NLGN1: variants seen among roughly 807,000 people sequenced by gnomAD.
NLGN1 encodes neuroligin 1, also known as neuroligin-1.
NLGN1 carries 12 observed loss-of-function variants against 65.5 expected under a neutral mutation model. The observed-to-expected ratio is 0.18, with a 90% CI of 0.12 to 0.30. The LOEUF (loss-of-function observed/expected upper bound fraction) is 0.30. NLGN1 is among the 10% of genes least tolerant of loss of function. The probability of loss-of-function intolerance (pLI) is 1.00; values close to 1 mark genes in which losing one functional copy is unlikely to be tolerated. For missense variants in NLGN1, 750 were observed against 1,007.1 expected (o/e 0.74, Z 3.46); for synonymous variants, 350 against 359.5 (o/e 0.97, Z 0.30).
chr3:173,977,682 A>G (rs751305358), intron 4 of NLGN1, among the ~76,000 whole-genome samples: 6 of 151,890 alleles, frequency 4.0e-5, no homozygotes, highest in Non-Finnish European at 8.8e-5. Context: ...ACTCTGGGAG[A>G]GTGAGGGAAG....
intron 2 of NLGN1, among the ~76,000 whole-genome samples, chr3:173,455,543 C>G (rs746798763): frequency 2.6e-5 from 4 of 151,798 alleles, no homozygotes; most frequent in Non-Finnish European, 5.9e-5. Flanking sequence ...TGAGAATTAC[C>G]AAAATATGGC....
At position 174,278,798 on chromosome 3, in the gene NLGN1, G is replaced by A. The variant is rs909574992; in HGVS notation, c.860-63G>A. The A allele has an allele frequency of 3.1e-5, 39 of 1,261,486 alleles. No individual in the cohort carries two copies. The African/African-American group carries it at 5.7e-4, about 19-fold the overall frequency. 78.1% of individuals were successfully genotyped at this position (1,261,486 alleles called of 1,614,324 possible). On this transcript the variant is annotated intron_variant, in intron 5 of 6. Coordinates refer to ENST00000457714, the Ensembl canonical transcript of NLGN1. The stretch of plus-strand genomic sequence containing the variant: ...TATATACATGTCTAAAATATCAGAT[G>A]TTATTGTTTTACCACAACATTACCC...
chr3:174,033,858 A>C (rs1183953918), intron 4 of NLGN1, among the ~76,000 whole-genome samples: 1 of 152,174 alleles, frequency 6.6e-6, no homozygotes, highest in Non-Finnish European at 1.5e-5. Flanking sequence ...TAGAAAGGGA[A>C]GAAAGAGAGA....
intron 3 of NLGN1, among the ~76,000 whole-genome samples, chr3:173,680,920 C>T (rs1763860329): frequency 6.6e-6 from 1 of 152,108 alleles, no homozygotes; most frequent in African/African-American, 2.4e-5. Context: ...ACATGGAAAA[C>T]TGGGTCAGAT....
chr3:173,613,136 G>A (rs1752559747), intron 3 of NLGN1, among the ~76,000 whole-genome samples: 1 of 152,094 alleles, frequency 6.6e-6, no homozygotes, highest in African/African-American at 2.4e-5. Context: ...CACATCTGAA[G>A]GTTCAGCTGG....
At chr3:173,762,678 C>A (rs571940403) in intron 3 of NLGN1, among the ~76,000 whole-genome samples, 1 of 151,908 alleles carries the variant, frequency 6.6e-6, no homozygotes, top group Non-Finnish European at 1.5e-5. Context: ...AGTACCCAAG[C>A]GGCCTGAAAG....
chr3:173,869,265 G>C (rs913446241), intron 4 of NLGN1, among the ~76,000 whole-genome samples: 2 of 152,124 alleles, frequency 1.3e-5, no homozygotes, highest in African/African-American at 4.8e-5. Flanking sequence ...AATTGTTCCT[G>C]TTTGACAAAA....
intron 4 of NLGN1, among the ~76,000 whole-genome samples, chr3:174,093,920 A>T (rs1280516481): frequency 6.6e-6 from 1 of 152,070 alleles, no homozygotes; most frequent in Non-Finnish European, 1.5e-5. Flanking sequence ...ATATAATCTC[A>T]TATATCTCAT....
At chr3:173,780,527 T>C (rs1780970706) in intron 3 of NLGN1, among the ~76,000 whole-genome samples, 1 of 152,356 alleles carries the variant, frequency 6.6e-6, no homozygotes, top group Middle Eastern at 3.4e-3. Context: ...CCACATGTAC[T>C]AGCAACCAAG....
intron 4 of NLGN1, among the ~76,000 whole-genome samples, chr3:174,096,493 A>G (rs899615456): frequency 5.9e-5 from 9 of 152,136 alleles, no homozygotes; most frequent in Admixed American, 5.9e-4. Flanking sequence ...GATATTGTAA[A>G]TATACCTCTA....
chr3:173,697,596 C>T (rs1766416553), intron 3 of NLGN1, among the ~76,000 whole-genome samples: 1 of 152,038 alleles, frequency 6.6e-6, no homozygotes, highest in South Asian at 2.1e-4. Flanking sequence ...GGTGCGATCT[C>T]AGCTCACCGC....
rs540329896 is a variant in NLGN1, at chr3:173,620,390, C to T, written c.493+15299C>T. The stretch of plus-strand genomic sequence containing the variant: ...GATGACTCTAAGATGTCTTACTGTC[C>T]AGTACCTTCCTCCTTGACCTGATGT... On this transcript the variant is annotated intron_variant, in intron 3 of 6. Transcript: ENST00000457714. Among the ~76,000 whole-genome samples, 3 of 152,220 alleles carry T rather than the reference C, an allele frequency of 2.0e-5. No homozygotes were observed. The South Asian group carries it at 6.2e-4, about 32-fold the overall frequency.
rs149500982 is a variant in NLGN1 at position 173,416,006 on chromosome 3, A to C, written c.-390+17519A>C. On this transcript the variant is annotated intron_variant, in intron 1 of 6. Coordinates refer to ENST00000457714, the Ensembl canonical transcript of NLGN1. ...CATAAAATGAATATTAGCTATTACCAGGTGTGATTATTGGTTGACACCACT... is the reference window on the plus strand; with the variant it reads ...CATAAAATGAATATTAGCTATTACCCGGTGTGATTATTGGTTGACACCACT... Among the ~76,000 whole-genome samples the C allele has an allele frequency of 7.8e-3, 1,191 of 152,018 alleles. 19 individuals carry two copies. Among genetic ancestry groups the C allele is most frequent in the African/African-American group, 0.027 (1,120 of 41,404 alleles).
intron 4 of NLGN1, among the ~76,000 whole-genome samples, chr3:173,837,131 A>G (rs2150643090): frequency 6.6e-6 from 1 of 152,294 alleles, no homozygotes; most frequent in South Asian, 2.1e-4. Context: ...TGAAGAAACA[A>G]TTTTCTTCTT....
At position 173,807,670 on chromosome 3, in the gene NLGN1, T is replaced by C; in HGVS notation, c.494-10T>C. 6.2e-7 allele frequency: 1 copy of C among 1,611,116 alleles called. No homozygotes were observed. The highest frequency in any genetic ancestry group is 8.5e-7 in the Non-Finnish European group (1 of 1,177,974). ...AGGATAAGAACGATTGCCAACCATTTGTTTTCCAGATATTCGGGACAGTGG... is the reference window on the plus strand; with the variant it reads ...AGGATAAGAACGATTGCCAACCATTCGTTTTCCAGATATTCGGGACAGTGG... On this transcript the variant is annotated splice_polypyrimidine_tract_variant and intron_variant, in intron 3 of 6. Coordinates refer to ENST00000457714, the Ensembl canonical transcript of NLGN1.
intron 3 of NLGN1, among the ~76,000 whole-genome samples, chr3:173,676,865 T>C (rs2149764580): frequency 6.6e-6 from 1 of 152,256 alleles, no homozygotes; most frequent in South Asian, 2.1e-4. Context: ...CCTTATTTTG[T>C]TTGTGTCTCT....
At chr3:174,231,804 CT>C (rs1251131706) in intron 4 of NLGN1, among the ~76,000 whole-genome samples, 2 of 152,126 alleles carry the variant, frequency 1.3e-5, no homozygotes, top group African/African-American at 4.8e-5. Context: ...AATTGCTTCC[CT>C]TTTCGTATTG....
intron 4 of NLGN1, among the ~76,000 whole-genome samples, chr3:174,122,862 ACAAAGTC>A (rs1718069913): frequency 6.6e-6 from 1 of 152,084 alleles, no homozygotes; most frequent in Non-Finnish European, 1.5e-5. Context: ...TCAGACATGT[ACAAAGTC>A]AATTTGTTTC....
At chr3:173,831,925 AT>A (rs999454696) in intron 4 of NLGN1, among the ~76,000 whole-genome samples, 7 of 150,886 alleles carry the variant, frequency 4.6e-5, no homozygotes. Context: ...TATAATTATT[AT>A]TTTTCATACA....
Sources: allele counts gnomAD v4.1 joint callset (sites outside exome capture counted in the v4.1 genomes callset), GRCh38; gene constraint gnomAD v4.1.1; transcripts MANE v1.5; gene names NCBI Gene and HGNC (gene_info 2026-07-23, HGNC 2026-07-21).